CBX1: variants seen among roughly 807,000 people sequenced by gnomAD.
CBX1 encodes the protein chromobox protein homolog 1.
In CBX1, 10 loss-of-function variants were observed where a neutral mutation model predicts 25.1. That is an observed-to-expected ratio of 0.40 (90% confidence interval 0.25 to 0.68). CBX1 has a LOEUF of 0.68. Ranked by LOEUF, CBX1 falls within the 30% of genes least tolerant of loss-of-function variation. The probability of loss-of-function intolerance (pLI) is 0.40; values close to 1 mark genes in which losing one functional copy is unlikely to be tolerated. For missense variants in CBX1, 106 were observed against 218.5 expected (o/e 0.49, Z 3.25); for synonymous variants, 63 against 79.4 (o/e 0.79, Z 1.10).
chr17:48,073,293 G>GTTA (rs2037643238), intron 4 of CBX1, among the ~76,000 whole-genome samples: 1 of 152,114 alleles, frequency 6.6e-6, no homozygotes, highest in Admixed American at 6.6e-5. Flanking sequence ...TAGAGCAGAA[G>GTTA]AGTAAGCTGA....
chr17:48,086,901 CAA>C (rs1180788911), intron 1 of CBX1, among the ~76,000 whole-genome samples: 1 of 151,714 alleles, frequency 6.6e-6, no homozygotes, highest in East Asian at 1.9e-4. Context: ...AATAAATAAA[CAA>C]AAATGGCCGG....
At chr17:48,073,824 CAAAAAA>C (rs60857566) in intron 4 of CBX1, among the ~76,000 whole-genome samples, 9 of 82,496 alleles carry the variant, frequency 1.1e-4, no homozygotes, top group African/African-American at 5.2e-4. Context: ...GAGACTGTCT[CAAAAAA>C]AAAAAAAAAA....
chr17:48,096,108 A>AC (rs2063373730), intron 1 of CBX1, among the ~76,000 whole-genome samples: 1 of 152,108 alleles, frequency 6.6e-6, no homozygotes, highest in African/African-American at 2.4e-5. Flanking sequence ...TTCAGTTCCC[A>AC]CCTGAGGTGA....
intron 1 of CBX1, among the ~76,000 whole-genome samples, chr17:48,097,476 C>T (rs1053696298): frequency 1.3e-5 from 2 of 151,654 alleles, no homozygotes; most frequent in African/African-American, 4.8e-5. Context: ...ATTAGCCGGG[C>T]GTTGTCGGGG....
intron 1 of CBX1, among the ~76,000 whole-genome samples, chr17:48,078,015 G>A (rs1390679264): frequency 1.3e-5 from 2 of 151,820 alleles, no homozygotes; most frequent in Admixed American, 6.6e-5. Flanking sequence ...TTAGCCAGTC[G>A]TGAGCCAAGA....
chr17:48,078,228 C>CT, intron 1 of CBX1, among the ~76,000 whole-genome samples: 1 of 150,098 alleles, frequency 6.7e-6, no homozygotes, highest in East Asian at 2.0e-4. Flanking sequence ...GAGTCTTGCT[C>CT]TGCCCCCAGG....
intron 1 of CBX1, among the ~76,000 whole-genome samples, chr17:48,084,972 T>C (rs1175719507): frequency 6.6e-6 from 1 of 151,958 alleles, no homozygotes; most frequent in Non-Finnish European, 1.5e-5. Flanking sequence ...AGTAACTGAG[T>C]TGACTGGACT....
At chr17:48,093,635 T>C (rs1021997489) in intron 1 of CBX1, among the ~76,000 whole-genome samples, 3 of 152,178 alleles carry the variant, frequency 2.0e-5, no homozygotes, top group African/African-American at 7.2e-5. Context: ...TTCTACAAGG[T>C]TTCCTCCCAT....
chr17:48,079,043 C>T (rs939696738), intron 1 of CBX1, among the ~76,000 whole-genome samples: 9 of 150,946 alleles, frequency 6.0e-5, no homozygotes, highest in Non-Finnish European at 1.0e-4. Context: ...GTGATTCACC[C>T]GTGCTGGCCT....
rs1012392623 is a variant in CBX1 at position 48,074,273 on chromosome 17, A to G, written c.413+733T>C. Among the ~76,000 whole-genome samples the G allele has an allele frequency of 2.3e-4, 35 of 152,208 alleles. 1 individual carries two copies. Among genetic ancestry groups the G allele is most frequent in the Non-Finnish European group, 1.5e-5 (1 of 68,040 alleles). ...ACAAAGTTTCTAGAATGCTGCCTTC[A>G]TTGGCAATGGCTTAGAATTATTCCT... On this transcript the variant is annotated intron_variant, in intron 4 of 4. Transcript: ENST00000225603.
intron 1 of CBX1, among the ~76,000 whole-genome samples, chr17:48,094,114 CAAAAAAAA>C (rs11459504): frequency 4.1e-4 from 21 of 50,832 alleles, no homozygotes; most frequent in Admixed American, 3.6e-3. Flanking sequence ...AACTCTGTCT[CAAAAAAAA>C]AAAAAAAAAA....
At chr17:48,089,241 CA>C (rs2063329930) in intron 1 of CBX1, among the ~76,000 whole-genome samples, 1 of 151,240 alleles carries the variant, frequency 6.6e-6, no homozygotes, top group Admixed American at 6.6e-5. Context: ...GCTGGGACTA[CA>C]TGTGCCTGCC....
intron 1 of CBX1, among the ~76,000 whole-genome samples, chr17:48,078,949 C>T (rs1270323879): frequency 6.7e-6 from 1 of 149,268 alleles, no homozygotes; most frequent in African/African-American, 2.5e-5. Context: ...GCTACCACGC[C>T]CGGCTAATTT....
intron 1 of CBX1, among the ~76,000 whole-genome samples, chr17:48,080,150 C>T (rs893172467): frequency 6.6e-6 from 1 of 152,096 alleles, no homozygotes; most frequent in Admixed American, 6.6e-5. Flanking sequence ...GATTCTCATG[C>T]CTCAGCCTCC....
intron 4 of CBX1, among the ~76,000 whole-genome samples, chr17:48,072,238 T>A (rs755534887): frequency 7.9e-5 from 12 of 152,152 alleles, no homozygotes; most frequent in Non-Finnish European, 1.0e-4. Flanking sequence ...CTTGAACTCC[T>A]GACATCAGGT....
intron 1 of CBX1, among the ~76,000 whole-genome samples, chr17:48,089,715 C>T (rs1002334895): frequency 1.6e-4 from 24 of 147,586 alleles, no homozygotes; most frequent in African/African-American, 2.5e-4. Flanking sequence ...CCCAGCTACT[C>T]GGGAGGCTGA....
intron 1 of CBX1, among the ~76,000 whole-genome samples, chr17:48,085,213 A>G (rs1274965239): frequency 1.3e-5 from 2 of 152,238 alleles, no homozygotes; most frequent in Non-Finnish European, 2.9e-5. Flanking sequence ...GTGCTACCAC[A>G]TTATCTCATT....
At chr17:48,079,107 C>T (rs1393533567) in intron 1 of CBX1, among the ~76,000 whole-genome samples, 3 of 138,594 alleles carry the variant, frequency 2.2e-5, no homozygotes, top group African/African-American at 8.2e-5. Context: ...CCAGCCCCGG[C>T]CCCGCACCTC....
intron 1 of CBX1, among the ~76,000 whole-genome samples, chr17:48,084,896 C>T (rs1408577967): frequency 1.3e-5 from 2 of 150,878 alleles, no homozygotes; most frequent in African/African-American, 2.5e-5. Flanking sequence ...GGCGACAGAG[C>T]GAGACTCCGT....
Sources: allele counts gnomAD v4.1 joint callset (sites outside exome capture counted in the v4.1 genomes callset), GRCh38; gene constraint gnomAD v4.1.1; transcripts MANE v1.5; gene names NCBI Gene and HGNC (gene_info 2026-07-23, HGNC 2026-07-21).